The following NOTCH4 variants were observed in gnomAD, a reference collection of about 807,000 sequenced individuals.
The protein encoded by NOTCH4 is notch receptor 4.
In NOTCH4, 138 loss-of-function variants were observed where a neutral mutation model predicts 189.0. That is an observed-to-expected ratio of 0.73 (90% CI 0.64 to 0.84). The LOEUF (loss-of-function observed/expected upper bound fraction) is 0.84. Ranked by LOEUF, NOTCH4 falls within the 40% of genes least tolerant of loss-of-function variation. The probability of loss-of-function intolerance (pLI) is 0.00; values close to 1 mark genes in which losing one functional copy is unlikely to be tolerated. For synonymous variants in NOTCH4, 942 were observed against 1,032.8 expected (o/e 0.91, Z 1.69); for missense variants, 2,286 against 2,605.4 (o/e 0.88, Z 2.67).
chr6:32,222,886 GT>G (rs1789877723), intron 2 of NOTCH4, 80 bp from the exon 3 acceptor site: 1 of 1,575,974 alleles, frequency 6.3e-7, no homozygotes, highest in Non-Finnish European at 8.7e-7. Flanking sequence ...GCCTTCATTT[GT>G]TTCCCTTCAT....
chr6:32,201,943 G>T lies in NOTCH4; in HGVS notation c.3755+133C>A. 2.5e-6 allele frequency: 2 copies of T among 815,830 alleles called. No homozygotes were observed. The highest frequency in any genetic ancestry group is 1.7e-5 in the African/African-American group (1 of 57,576). 50.5% of individuals were successfully genotyped at this position (815,830 alleles called of 1,614,324 possible). A position where few individuals can be genotyped will look rare whatever the true frequency, so the allele number is the denominator to read the frequency against. ...GTCCAGAGTCTTCGACCCCTGTTTA[G>T]TGATGGTTATTAGGGTGGAAACTCC... On this transcript the variant is annotated intron_variant, in intron 21 of 29. Coordinates refer to ENST00000375023, the MANE Select transcript of NOTCH4 (RefSeq NM_004557.4). This position sits in a 1 kb window ranked among gnomAD's most constrained non-coding sequence, Gnocchi z 5.5.
At chr6:32,215,166 C>T (rs1789317899) in intron 12 of NOTCH4, 60 bp downstream of exon 12, 1 of 1,430,154 alleles carries the variant, frequency 7.0e-7, no homozygotes, top group Non-Finnish European at 9.4e-7. Context: ...CTGTCTTCTC[C>T]TGTCCTAGCG....
intron 12 of NOTCH4, among the ~76,000 whole-genome samples, chr6:32,214,484 T>TATATATATATATATATATATATATATAA: frequency 7.1e-6 from 1 of 141,268 alleles, no homozygotes; most frequent in East Asian, 2.3e-4. Context: ...TATATATATA[T>TATATATATATATATATATATATATATAA]ACACACATAT....
In NOTCH4 at chr6:32,199,902, G is replaced by T. The variant is rs904716601; in HGVS notation, c.4316-757C>A. Among the ~76,000 whole-genome samples the T allele has an allele frequency of 8.5e-5, 13 of 152,146 alleles. No homozygotes were observed. The highest frequency in any genetic ancestry group is 1.2e-4 in the Non-Finnish European group (8 of 68,004). ...TCAGAAAACAAACACACAAAAAAAG[G>T]CTGAGTATCCATAACCCCAATCCCA... On this transcript the variant is annotated intron_variant, in intron 23 of 29. Transcript: ENST00000375023. The surrounding 1 kb of genome is among the most constrained non-coding windows in gnomAD (Gnocchi z 4.9).
rs1787846356 is a variant in NOTCH4, at chr6:32,195,784, G to C, written c.5665C>G (p.Arg1889Gly). 2.5e-6 allele frequency: 4 copies of C among 1,606,326 alleles called. No individual in the cohort carries two copies. The highest frequency in any genetic ancestry group is 3.4e-6 in the Non-Finnish European group (4 of 1,179,326). ...ARTWSVDLAA[R>G]GGGAYSHCRS... is the part of the protein sequence containing the mutation. ...CAATGAGAATAGGCCCCGCCCCCCC[G>C]CGCAGCCAAGTCTACGGACCAAGTC... Residue 1889 changes from arginine to glycine, a missense_variant, in exon 30 of 30, where the codon CGG becomes GGG. Arg to Gly is a moderately radical substitution (Grantham distance 125). Transcript: ENST00000375023. The surrounding 1 kb of genome is among the most constrained non-coding windows in gnomAD (Gnocchi z 5.4).
In NOTCH4 at chr6:32,212,864, C is replaced by T. The variant is rs1186558705; in HGVS notation, c.2486G>A (p.Arg829His). 10 of 1,552,778 alleles carry T rather than the reference C, an allele frequency of 6.4e-6. No individual in the cohort carries two copies. The highest frequency in any genetic ancestry group is 1.4e-5 in the African/African-American group (1 of 73,248). Residue 829 changes from arginine (R) to histidine (H), a missense_variant, in exon 16 of 30, where the codon CGC becomes CAC. Physicochemically the swap from Arg to His is conservative, Grantham distance 29. Transcript: ENST00000375023. The surrounding 1 kb of genome is among the most constrained non-coding windows in gnomAD (Gnocchi z 4.4). ...GGTGTAGCCAGTGGGGCAGAGGCAG[C>T]GGGGACCCTGAGGGCTGTCCTGGCA... ...ATCQDSPQGP[R>H]CLCPTGYTGG...
At position 32,212,911 on chromosome 6, in the gene NOTCH4, G is replaced by A. The variant is rs973700473; in HGVS notation, c.2439C>T (p.Ser813=). 3 of 1,564,078 alleles carry A rather than the reference G, an allele frequency of 1.9e-6. No individual in the cohort carries two copies. Among genetic ancestry groups the A allele is most frequent in the Non-Finnish European group, 2.6e-6 (3 of 1,153,818 alleles). Residue 813 remains serine (S), a splice_region_variant and synonymous_variant, in exon 16 of 30, where the codon AGC becomes AGT. Transcript: ENST00000375023. The surrounding 1 kb of genome is among the most constrained non-coding windows in gnomAD (Gnocchi z 4.4). The stretch of plus-strand genomic sequence containing the variant: ...GGCAGGTTGCCCTATTCCTACAGGG[G>A]CTGAACAAGACAGAGACAGGGCATG... ...EGKLRPSCAD[S]PCRNRATCQD...
chr6:32,207,829 C>T (rs1307255437), intron 18 of NOTCH4, among the ~76,000 whole-genome samples: 2 of 151,594 alleles, frequency 1.3e-5, no homozygotes, highest in African/African-American at 4.9e-5. Context: ...TGGTGAAACC[C>T]CGTCTCTACT....
In NOTCH4 at chr6:32,202,597, AC is replaced by A. The variant is rs1788425324; in HGVS notation, c.3233del (p.Gly1078ValfsTer49). 2 of 1,581,894 alleles carry A rather than the reference AC, an allele frequency of 1.3e-6. No homozygotes were observed. Among genetic ancestry groups the A allele is most frequent in the African/African-American group, 1.4e-5 (1 of 74,008 alleles). On this transcript the variant is annotated frameshift_variant and splice_region_variant, in exon 21 of 30. Coordinates refer to ENST00000375023, the MANE Select transcript of NOTCH4 (RefSeq NM_004557.4). LOFTEE classifies it high-confidence loss of function. This position sits in a 1 kb window ranked among gnomAD's most constrained non-coding sequence, Gnocchi z 5.7. Reference sequence around the variant, plus strand: ...TGTGGCTGCAGGTGGGGCCTTCAAAACCCTGTGGAGGGGAGGGGAGATATTG... The same window carrying A: ...TGTGGCTGCAGGTGGGGCCTTCAAAACCTGTGGAGGGGAGGGGAGATATTG... ...PLGFICHCPK[G>X]FEGPTCSHRA...
rs562138339 is a variant in NOTCH4 at position 32,198,001 on chromosome 6, T to G, written c.4757-407A>C. Among the ~76,000 whole-genome samples, 277 of 152,238 alleles carry G rather than the reference T, an allele frequency of 1.8e-3. 1 individual carries two copies. The highest frequency in any genetic ancestry group is 0.014 in the Middle Eastern group (4 of 294). On this transcript the variant is annotated intron_variant, in intron 26 of 29. Coordinates refer to ENST00000375023, the MANE Select transcript of NOTCH4 (RefSeq NM_004557.4). The surrounding 1 kb of genome is among the most constrained non-coding windows in gnomAD (Gnocchi z 5.5). ...CACGCCCGGCTAATTTTTTGTATTT[T>G]TAGTAGAGACGGGGTTTCACTGTGT...
chr6:32,200,853 A>G lies in NOTCH4; in HGVS notation c.4293T>C (p.Ala1431=). 6.2e-7 allele frequency: 1 copy of G among 1,607,922 alleles called. No homozygotes were observed. The highest frequency in any genetic ancestry group is 1.1e-5 in the South Asian group (1 of 90,374). The change falls in exon 23 of 30, where the codon GCT becomes GCC. Residue 1431 remains alanine, a synonymous_variant. Transcript: ENST00000375023. This position sits in a 1 kb window ranked among gnomAD's most constrained non-coding sequence, Gnocchi z 5.0. ...LEPLLPGPLL[A]VHPHAGTAPP... ...TACCGGTCCCTGCATGAGGGTGGACAGCCAGCAGTGGTCCAGGCAGCAGGG... is the reference window on the plus strand; with the variant it reads ...TACCGGTCCCTGCATGAGGGTGGACGGCCAGCAGTGGTCCAGGCAGCAGGG...
rs768872244 is a variant in NOTCH4, at chr6:32,220,466, C to G, written c.1098G>C (p.Pro366=). 1 of 1,613,882 alleles carries G rather than the reference C, an allele frequency of 6.2e-7. No individual in the cohort carries two copies. Residue 366 remains proline, a synonymous_variant, in exon 6 of 30, where the codon CCG becomes CCC. Coordinates refer to ENST00000375023, the MANE Select transcript of NOTCH4 (RefSeq NM_004557.4). The part of the protein sequence containing the change: ...LDDCIAATCA[P]GSTCIDRVGS... ...CCACCCGGTCAATGCAGGTGGATCC[C>G]GGGGCACAGGTGGCAGCAATACAGT...
Position 32,210,059 on chromosome 6 carries a change from C to G in NOTCH4, c.2865+693G>C, listed in dbSNP as rs1788921447. ...GACTTGAATGCCAGCTTTGCCTCTCCTGGCTTAGTGACCTGGACCACAAAG... is the reference window on the plus strand; with the variant it reads ...GACTTGAATGCCAGCTTTGCCTCTCGTGGCTTAGTGACCTGGACCACAAAG... On this transcript the variant is annotated intron_variant, in intron 18 of 29. Transcript: ENST00000375023. This position sits in a 1 kb window ranked among gnomAD's most constrained non-coding sequence, Gnocchi z 4.8. Among the ~76,000 whole-genome samples, 1 of 152,176 alleles carries G rather than the reference C, an allele frequency of 6.6e-6. No individual in the cohort carries two copies.
Position 32,210,933 on chromosome 6 carries a change from A to C in NOTCH4, c.2684T>G (p.Ile895Arg). Residue 895 changes from isoleucine (I) to arginine (R), a missense_variant, in exon 18 of 30, where the codon ATA becomes AGA. By Grantham distance (97) the Ile-to-Arg change is moderately conservative. Coordinates refer to ENST00000375023, the MANE Select transcript of NOTCH4 (RefSeq NM_004557.4). The surrounding 1 kb of genome is among the most constrained non-coding windows in gnomAD (Gnocchi z 4.8). ...ATTGTGGCAAAGGGAAGAGACGTCT[A>C]TGCCTGGGGAGAGAGACAAACAGGG... ...SCQKAALSQGIDVSSLCHNGG... is the reference protein window; with the variant it reads ...SCQKAALSQGRDVSSLCHNGG... 6.3e-7 allele frequency: 1 copy of C among 1,585,204 alleles called. No homozygotes were observed. Among genetic ancestry groups the C allele is most frequent in the Non-Finnish European group, 8.6e-7 (1 of 1,166,488 alleles).
Position 32,221,088 on chromosome 6 carries a change from C to T in NOTCH4, c.689G>A (p.Arg230His), listed in dbSNP as rs138205668. The change falls in exon 4 of 30, where the codon CGT (arginine) becomes CAT (histidine). Residue 230 changes from arginine (R) to histidine (H), a missense_variant. This residue lies in a region of NOTCH4 where 1,903 missense variants were observed against 2,261.9 expected (regional missense o/e 0.84). Transcript: ENST00000375023. The surrounding 1 kb of genome is among the most constrained non-coding windows in gnomAD (Gnocchi z 4.3). ...CLCPVGQEGP[R>H]CELRAGPCPP... ...GCAGGGTCCTGCCCGCAGCTCACAA[C>T]GTGGACCCTCCTGCCCCACAGGGCA... 4.1e-4 allele frequency: 656 copies of T among 1,613,138 alleles called. 13 individuals are homozygous for T. Among genetic ancestry groups the T allele is most frequent in the South Asian group, 3.4e-3 (312 of 91,082 alleles).
chr6:32,213,340 C>T, intron 14 of NOTCH4, 88 bp from the exon 15 acceptor site: 1 of 798,262 alleles, frequency 1.3e-6, no homozygotes, highest in Non-Finnish European at 2.1e-6. Context: ...ACATACACCC[C>T]CCACCCCCAT....
chr6:32,214,156 GT>G lies in NOTCH4; in HGVS notation c.2120del (p.Tyr707SerfsTer24). The part of the protein sequence containing the change: ...SAPCAHGGTC[Y>X]PQPSGYNCTC... ...TGCAGTTGTAGCCAGAGGGCTGGGG[GT>G]AGCAGGTCCCCCCATGGGCACAGGG... On this transcript the variant is annotated frameshift_variant, in exon 13 of 30. Transcript: ENST00000375023. LOFTEE classifies it high-confidence loss of function. 6.2e-7 allele frequency: 1 copy of G among 1,613,534 alleles called. No homozygotes were observed. The highest frequency in any genetic ancestry group is 1.1e-5 in the South Asian group (1 of 91,056).
rs1013061705 is a variant in NOTCH4 at position 32,199,859 on chromosome 6, T to C, written c.4316-714A>G. 6.6e-6 allele frequency among the ~76,000 whole-genome samples: 1 copy of C among 152,156 alleles called. No homozygotes were observed. Among genetic ancestry groups the C allele is most frequent in the African/African-American group, 2.4e-5 (1 of 41,430 alleles). The stretch of plus-strand genomic sequence containing the variant: ...TGGCGTCACTGTACTCCAGTGTGGC[T>C]GACAGAGTAAGACTGTCTCAGAAAA... On this transcript the variant is annotated intron_variant, in intron 23 of 29. Coordinates refer to ENST00000375023, the MANE Select transcript of NOTCH4 (RefSeq NM_004557.4). This position sits in a 1 kb window ranked among gnomAD's most constrained non-coding sequence, Gnocchi z 4.9.
At chr6:32,213,045 G>A in intron 15 of NOTCH4, 90 bp downstream of exon 15, 1 of 1,263,724 alleles carries the variant, frequency 7.9e-7, no homozygotes, top group South Asian at 1.3e-5. Flanking sequence ...TGTGGGGTGG[G>A]AGGCAGCCTG....
Sources: gnomAD v4.1 joint callset for allele counts (sites outside exome capture counted in the v4.1 genomes callset) on GRCh38, gnomAD v4.1.1 for gene constraint, gnomAD v4.1.1 regional missense constraint, Gnocchi (gnomAD v3.1) non-coding constraint, MANE v1.5 for transcripts, NCBI Gene and HGNC (gene_info 2026-07-23, HGNC 2026-07-21) for gene names.